Variants in KRABD5 observed in about 807,000 individuals in gnomAD.
KRABD5 encodes KRAB domain-containing protein 5.
chr16:31,738,876 T>G, the KRABD5 span, among the ~76,000 whole-genome samples: 1 of 152,202 alleles, frequency 6.6e-6, no homozygotes, highest in African/African-American at 2.4e-5. Context: ...ATAGATATTA[T>G]GTAAAACATC....
chr16:31,713,354 C>T, the KRABD5 span: 1 of 1,566,540 alleles, frequency 6.4e-7, no homozygotes, highest in Non-Finnish European at 8.7e-7. Flanking sequence ...TGAGAATAGA[C>T]AGAACCTCTG....
At chr16:31,735,271 TC>T in the KRABD5 span, among the ~76,000 whole-genome samples, 1 of 152,200 alleles carries the variant, frequency 6.6e-6, no homozygotes, top group Non-Finnish European at 1.5e-5. Context: ...GAATAGTAAT[TC>T]ATTGTGCATT....
chr16:31,715,516 C>T, the KRABD5 span, among the ~76,000 whole-genome samples: 5 of 152,174 alleles, frequency 3.3e-5, no homozygotes, highest in South Asian at 1.0e-3. Flanking sequence ...TTATAATAAA[C>T]TGGTCAATGC....
At chr16:31,730,502 G>A in the KRABD5 span, among the ~76,000 whole-genome samples, 3 of 151,988 alleles carry the variant, frequency 2.0e-5, no homozygotes, top group African/African-American at 7.2e-5. Flanking sequence ...TTTGAATTTT[G>A]ACAGTTTAAT....
At chr16:31,742,161 TA>T in the KRABD5 span, among the ~76,000 whole-genome samples, 4 of 144,682 alleles carry the variant, frequency 2.8e-5, no homozygotes, top group East Asian at 6.1e-4. Context: ...TGTCCTTTTT[TA>T]AAAAAAATTT....
the KRABD5 span, among the ~76,000 whole-genome samples, chr16:31,747,762 G>T: frequency 6.6e-6 from 1 of 152,220 alleles, no homozygotes; most frequent in South Asian, 2.1e-4. Context: ...ATTTCTTCGT[G>T]TGGCTTTTGG....
At chr16:31,717,464 T>C in the KRABD5 span, among the ~76,000 whole-genome samples, 1 of 152,180 alleles carries the variant, frequency 6.6e-6, no homozygotes, top group Non-Finnish European at 1.5e-5. Context: ...CTTGAAGACA[T>C]GAAGTTTATT....
the KRABD5 span, among the ~76,000 whole-genome samples, chr16:31,738,023 T>TTAATTTC: frequency 6.6e-6 from 1 of 152,260 alleles, no homozygotes; most frequent in Non-Finnish European, 1.5e-5. Context: ...CTTTCTGTTT[T>TTAATTTC]TAATTTCTAG....
At chr16:31,761,132 A>G in the KRABD5 span, 1 of 152,276 alleles carries the variant, frequency 6.6e-6, no homozygotes, top group South Asian at 2.1e-4. Context: ...GACAAAGCAC[A>G]ATGATACTGA....
chr16:31,721,131 T>C, the KRABD5 span, among the ~76,000 whole-genome samples: 1 of 152,204 alleles, frequency 6.6e-6, no homozygotes, highest in Non-Finnish European at 1.5e-5. Flanking sequence ...CAAGCTCTTA[T>C]TTTAGTTTAT....
the KRABD5 span, chr16:31,753,959 C>G: frequency 1.2e-5 from 19 of 1,545,522 alleles, no homozygotes; most frequent in Non-Finnish European, 1.3e-5. Context: ...AGACAACTAC[C>G]TATAACAAAA....
At chr16:31,721,470 T>A in the KRABD5 span, among the ~76,000 whole-genome samples, 3 of 150,976 alleles carry the variant, frequency 2.0e-5, no homozygotes, top group Non-Finnish European at 3.0e-5. Flanking sequence ...AATAAAAAAA[T>A]AAATAAATAT....
the KRABD5 span, among the ~76,000 whole-genome samples, chr16:31,726,933 T>C: frequency 2.0e-5 from 3 of 152,322 alleles, no homozygotes; most frequent in South Asian, 6.2e-4. Context: ...TCTTTCCATT[T>C]ATTTGTGTCT....
the KRABD5 span, among the ~76,000 whole-genome samples, chr16:31,729,398 C>T: frequency 1.3e-5 from 2 of 152,198 alleles, no homozygotes; most frequent in African/African-American, 4.8e-5. Flanking sequence ...GACCTTTTTG[C>T]TGCATAATAA....
chr16:31,724,187 T>C, the KRABD5 span, among the ~76,000 whole-genome samples: 1 of 152,170 alleles, frequency 6.6e-6, no homozygotes. Flanking sequence ...TATGTTCGTT[T>C]TCTTTCTTTT....
chr16:31,713,419 C>T, the KRABD5 span: 1 of 1,605,652 alleles, frequency 6.2e-7, no homozygotes, highest in Non-Finnish European at 8.5e-7. Flanking sequence ...CCAGGACATC[C>T]CGGAAGCTGG....
At chr16:31,733,525 A>C in the KRABD5 span, 1 of 456,128 alleles carries the variant, frequency 2.2e-6, no homozygotes, top group Non-Finnish European at 4.4e-6. Context: ...CAAAGTGAAT[A>C]CCCATTAAAC....
the KRABD5 span, chr16:31,759,538 A>G: frequency 1.0e-6 from 1 of 974,590 alleles, no homozygotes; most frequent in Non-Finnish European, 1.6e-6. Flanking sequence ...ATGTATGTAC[A>G]TCTTCACAAA....
chr16:31,715,125 G>A, the KRABD5 span, among the ~76,000 whole-genome samples: 36,661 of 152,050 alleles, frequency 0.24, 5,745 homozygotes, highest in Middle Eastern at 0.38. Context: ...TCTTAGGAGG[G>A]GCATAAAGAG....
Sources: allele counts gnomAD v4.1 joint callset (sites outside exome capture counted in the v4.1 genomes callset), GRCh38; gene constraint gnomAD v4.1.1; transcripts MANE v1.5; gene names NCBI Gene and HGNC (gene_info 2026-07-23, HGNC 2026-07-21).